The following HSD17B3 variants were observed in gnomAD, a reference collection of about 807,000 sequenced individuals.
The protein encoded by HSD17B3 is hydroxysteroid 17-beta dehydrogenase 3.
HSD17B3 carries 29 observed loss-of-function variants against 41.1 expected under a neutral mutation model. The observed-to-expected ratio is 0.71, with a 90% CI of 0.53 to 0.96. The LOEUF (loss-of-function observed/expected upper bound fraction) is 0.96, where lower values mean the gene tolerates loss of function less well. Among genes scored for constraint, HSD17B3 ranks in the 40% least tolerant of loss-of-function variants. The pLI is 0.00. For missense variants in HSD17B3, 323 were observed against 374.6 expected (o/e 0.86, Z 1.14); for synonymous variants, 126 against 145.6 (o/e 0.87, Z 0.97).
chr9:96,256,945 C>T (rs1201958563), intron 2 of HSD17B3, among the ~76,000 whole-genome samples: 2 of 152,064 alleles, frequency 1.3e-5, no homozygotes, highest in African/African-American at 4.8e-5. Flanking sequence ...CACCATCCCC[C>T]AGGTGCTGTC....
chr9:96,283,145 A>G (rs1477720647), intron 2 of HSD17B3, among the ~76,000 whole-genome samples: 1 of 151,752 alleles, frequency 6.6e-6, no homozygotes, highest in Non-Finnish European at 1.5e-5. Context: ...AGCTGGGATT[A>G]CAGGCATCCA....
At chr9:96,287,328 C>A (rs1826961064) in intron 2 of HSD17B3, among the ~76,000 whole-genome samples, 1 of 152,220 alleles carries the variant, frequency 6.6e-6, no homozygotes, top group African/African-American at 2.4e-5. Flanking sequence ...AACACACCAA[C>A]ACACACAGCC....
At chr9:96,298,558 A>C (rs183542609) in intron 1 of HSD17B3, 96 bp from the exon 2 acceptor site, 2 of 993,726 alleles carry the variant, frequency 2.0e-6, no homozygotes, top group East Asian at 2.4e-5. Context: ...TCTCCAGGGC[A>C]GTCAGTACTC....
intron 2 of HSD17B3, among the ~76,000 whole-genome samples, chr9:96,272,446 T>TATATATATATATAA (rs34436322): frequency 1.4e-4 from 12 of 85,816 alleles, no homozygotes; most frequent in South Asian, 9.5e-4. Context: ...TATATATATA[T>TATATATATATATAA]AAAATATATA....
At chr9:96,301,004 T>C (rs74639959) in intron 1 of HSD17B3, among the ~76,000 whole-genome samples, 7,625 of 152,214 alleles carry the variant, frequency 0.05, 519 homozygotes, top group East Asian at 0.3. Context: ...TTTTGTAAAT[T>C]TAGAGATGAG....
intron 2 of HSD17B3, among the ~76,000 whole-genome samples, chr9:96,267,506 C>T (rs1826085695): frequency 6.6e-6 from 1 of 151,928 alleles, no homozygotes; most frequent in African/African-American, 2.4e-5. Flanking sequence ...ATTAGAGAAG[C>T]TACTACGTCT....
chr9:96,293,620 C>CA (rs1827237493), intron 2 of HSD17B3, among the ~76,000 whole-genome samples: 1 of 151,116 alleles, frequency 6.6e-6, no homozygotes, highest in African/African-American at 2.5e-5. Context: ...CCCCTGCCCC[C>CA]ACTCCCAGCT....
chr9:96,261,898 C>T (rs1825875079), intron 2 of HSD17B3, among the ~76,000 whole-genome samples: 2 of 152,190 alleles, frequency 1.3e-5, no homozygotes, highest in African/African-American at 4.8e-5. Context: ...CAGGTCCTAG[C>T]TGTGGGGAGG....
chr9:96,300,208 G>GAACA (rs1275787151), intron 1 of HSD17B3, among the ~76,000 whole-genome samples: 2 of 50,212 alleles, frequency 4.0e-5, no homozygotes, highest in East Asian at 2.2e-3. Context: ...TACCCCAAGA[G>GAACA]GACACACACA....
At chr9:96,276,875 C>T (rs1826477158) in intron 2 of HSD17B3, among the ~76,000 whole-genome samples, 1 of 152,112 alleles carries the variant, frequency 6.6e-6, no homozygotes, top group Non-Finnish European at 1.5e-5. Flanking sequence ...ACACTGAAAG[C>T]ACAAGCAACA....
At chr9:96,252,656 T>C (rs1587729282) in intron 4 of HSD17B3, 147 bp downstream of exon 4, 1 of 677,568 alleles carries the variant, frequency 1.5e-6, no homozygotes, top group Non-Finnish European at 2.7e-6. Context: ...AGAAGAAGTG[T>C]GCTTTGATAT....
At chr9:96,245,268 A>C in intron 8 of HSD17B3, 77 bp downstream of exon 8, 1 of 1,115,390 alleles carries the variant, frequency 9.0e-7, no homozygotes, top group Non-Finnish European at 1.4e-6. Flanking sequence ...TCAACTTGCC[A>C]GATGATCAAA....
chr9:96,298,355 T>C lies in HSD17B3; in HGVS notation c.201+61A>G. On this transcript the variant is annotated intron_variant, in intron 2 of 10. Coordinates refer to ENST00000375263, the MANE Select transcript of HSD17B3 (RefSeq NM_000197.2). The stretch of plus-strand genomic sequence containing the variant: ...TTCAAAAATCTAGTGTTGGGGTGGA[T>C]GTCTCAGGACTGTGATTGTTCAATA... The C allele has an allele frequency of 2.3e-6, 3 of 1,276,768 alleles. No individual in the cohort carries two copies. In the South Asian group the frequency reaches 3.6e-5, roughly 15 times the overall value. The allele number at this position is 1,276,768 out of a possible 1,614,324, so 79.1% of individuals were successfully genotyped here.
At position 96,251,474 on chromosome 9, in the gene HSD17B3, C is replaced by A; in HGVS notation, c.397G>T (p.Gly133Ter). The A allele has an allele frequency of 6.2e-7, 1 of 1,614,006 alleles. No homozygotes were observed. ...CTTGGGAGAAGGTTTGGAAGCATTC[C>A]GACATTGTTGACTGGCAGAAAGAAG... The part of the protein sequence containing the change: ...LEIGILVNNV[G>*]MLPNLLPSHF... Residue 133 changes from glycine to a stop codon, truncating the protein, a stop_gained, in exon 5 of 11, where the codon GGA becomes TGA. Coordinates refer to ENST00000375263, the MANE Select transcript of HSD17B3 (RefSeq NM_000197.2). LOFTEE classifies it high-confidence loss of function.
intron 2 of HSD17B3, among the ~76,000 whole-genome samples, chr9:96,267,883 G>A (rs1826097592): frequency 6.6e-6 from 1 of 151,996 alleles, no homozygotes; most frequent in Non-Finnish European, 1.5e-5. Flanking sequence ...AACCCTAGCT[G>A]TGCCCCCACA....
Position 96,249,765 on chromosome 9 carries a change from T to A in HSD17B3, c.475A>T (p.Thr159Ser). 6.2e-7 allele frequency: 1 copy of A among 1,613,944 alleles called. No individual in the cohort carries two copies. The highest frequency in any genetic ancestry group is 8.5e-7 in the Non-Finnish European group (1 of 1,179,958). The part of the protein sequence containing the change: ...EIQSLIHCNI[T>S]SVVKMTQLIL... ...TGATCACATACCTTGACTACGGAGGTGATGTTACAATGGATGAGGCTCTGT... is the reference window on the plus strand; with the variant it reads ...TGATCACATACCTTGACTACGGAGGAGATGTTACAATGGATGAGGCTCTGT... The change falls in exon 6 of 11, where the codon ACC (threonine) becomes TCC (serine). Residue 159 changes from threonine (T) to serine (S), a missense_variant. By Grantham distance (58) the Thr-to-Ser change is moderately conservative. Coordinates refer to ENST00000375263, the MANE Select transcript of HSD17B3 (RefSeq NM_000197.2).
At chr9:96,251,060 G>C (rs1836880458) in intron 5 of HSD17B3, 3 of 259,618 alleles carry the variant, frequency 1.2e-5, no homozygotes, top group Non-Finnish European at 1.5e-5. Flanking sequence ...TGGGAAGACA[G>C]AGAAAGCCAA....
chr9:96,276,463 A>G (rs1826463156), intron 2 of HSD17B3, among the ~76,000 whole-genome samples: 1 of 152,262 alleles, frequency 6.6e-6, no homozygotes, highest in South Asian at 2.1e-4. Flanking sequence ...TTGAGCAAGA[A>G]GAACAAAGTG....
chr9:96,237,663 T>C (rs574759691), intron 10 of HSD17B3, among the ~76,000 whole-genome samples: 2 of 152,252 alleles, frequency 1.3e-5, no homozygotes, highest in South Asian at 2.1e-4. Context: ...TTAGATACAA[T>C]GATCTTTCTA....
Sources: allele counts gnomAD v4.1 joint callset (sites outside exome capture counted in the v4.1 genomes callset), GRCh38; gene constraint gnomAD v4.1.1; transcripts MANE v1.5; gene names NCBI Gene and HGNC (gene_info 2026-07-23, HGNC 2026-07-21).